ATP10B: variants seen among roughly 807,000 people sequenced by gnomAD.
The protein encoded by ATP10B is ATPase phospholipid transporting 10B (putative).
In ATP10B, 122 loss-of-function variants were observed where a neutral mutation model predicts 141.2. The ratio of observed to expected loss-of-function variants is 0.86; its 90% CI spans 0.75 to 1.00. The LOEUF is 1.00. ATP10B is among the 50% of genes least tolerant of loss of function. ATP10B has a pLI of 0.00. For synonymous variants in ATP10B, 685 were observed against 692.0 expected (o/e 0.99, Z 0.16); for missense variants, 1,876 against 1,825.3 (o/e 1.03, Z -0.51).
At chr5:160,602,785 T>C in intron 20 of ATP10B, 83 bp from the exon 21 acceptor site, 1 of 1,589,096 alleles carries the variant, frequency 6.3e-7, no homozygotes, top group Non-Finnish European at 8.6e-7. Flanking sequence ...GTTGCTTTGG[T>C]CTAGGCCTAC....
intron 1 of ATP10B, among the ~76,000 whole-genome samples, chr5:160,786,931 A>C (rs1771197653): frequency 6.6e-6 from 1 of 151,984 alleles, no homozygotes. Context: ...TGTCCCCCTG[A>C]TTTTGGTCAT....
intron 2 of ATP10B, among the ~76,000 whole-genome samples, chr5:160,747,403 G>T (rs907541107): frequency 6.6e-6 from 1 of 152,160 alleles, no homozygotes; most frequent in Non-Finnish European, 1.5e-5. Context: ...TGTTGAGGTC[G>T]CAATCCTCAA....
chr5:160,663,625 A>T (rs1213597790), intron 7 of ATP10B, among the ~76,000 whole-genome samples: 2 of 151,754 alleles, frequency 1.3e-5, no homozygotes, highest in East Asian at 1.9e-4. Flanking sequence ...AACATCACAC[A>T]CTGGGGCCTG....
chr5:160,770,138 CTG>C (rs1377564963), intron 2 of ATP10B, among the ~76,000 whole-genome samples: 3 of 152,114 alleles, frequency 2.0e-5, no homozygotes, highest in African/African-American at 4.8e-5. Flanking sequence ...CTCTTTCTCT[CTG>C]TGTCTCTGTC....
intron 7 of ATP10B, among the ~76,000 whole-genome samples, chr5:160,660,491 T>C (rs1040870338): frequency 6.6e-6 from 1 of 152,220 alleles, no homozygotes; most frequent in Non-Finnish European, 1.5e-5. Flanking sequence ...TGGAGGATCC[T>C]AGGCAACCAA....
intron 24 of ATP10B, among the ~76,000 whole-genome samples, chr5:160,574,617 T>C (rs1329710675): frequency 6.6e-6 from 1 of 152,106 alleles, no homozygotes; most frequent in African/African-American, 2.4e-5. Context: ...CCCACTGTGA[T>C]AGTATTAAGA....
intron 1 of ATP10B, among the ~76,000 whole-genome samples, chr5:160,824,824 A>G (rs765178644): frequency 5.3e-5 from 8 of 152,082 alleles, no homozygotes; most frequent in Non-Finnish European, 1.0e-4. Flanking sequence ...AGGTTTTTCA[A>G]TTGCATGTGA....
At chr5:160,650,890 C>G (rs189103371) in intron 7 of ATP10B, among the ~76,000 whole-genome samples, 74 of 152,236 alleles carry the variant, frequency 4.9e-4, no homozygotes, top group Non-Finnish European at 1.5e-4. Flanking sequence ...TATTGGGCCA[C>G]GAGAAATAGC....
chr5:160,766,162 A>G (rs1769391050), intron 2 of ATP10B, among the ~76,000 whole-genome samples: 1 of 17,516 alleles, frequency 5.7e-5, no homozygotes, highest in African/African-American at 3.4e-4. Flanking sequence ...TTAAAGAACT[A>G]AAGTAGAACT....
upstream of ATP10B, among the ~76,000 whole-genome samples, chr5:160,856,519 C>T (rs535746007): frequency 6.6e-6 from 1 of 151,810 alleles, no homozygotes; most frequent in South Asian, 2.1e-4. Context: ...TTATTGCACT[C>T]ACTGAAACTT....
At chr5:160,602,049 C>T (rs1402005364) in intron 21 of ATP10B, among the ~76,000 whole-genome samples, 4 of 152,308 alleles carry the variant, frequency 2.6e-5, no homozygotes, top group African/African-American at 9.6e-5. Context: ...CTCTTCAAAT[C>T]CTTCTTTGTT....
At chr5:160,928,389 G>A in the ATP10B span, among the ~76,000 whole-genome samples, 18 of 152,242 alleles carry the variant, frequency 1.2e-4, no homozygotes, top group African/African-American at 3.1e-4. Context: ...GATTGGGGCC[G>A]TCACCTCTGT....
At chr5:160,834,233 G>A (rs1775282506) in intron 1 of ATP10B, among the ~76,000 whole-genome samples, 1 of 152,084 alleles carries the variant, frequency 6.6e-6, no homozygotes, top group African/African-American at 2.4e-5. Context: ...GCTGAGGCAT[G>A]AGAATCGCTT....
chr5:160,631,258 C>T (rs557118238), intron 13 of ATP10B, among the ~76,000 whole-genome samples: 8 of 152,168 alleles, frequency 5.3e-5, no homozygotes, highest in Non-Finnish European at 1.2e-4. Flanking sequence ...TTATGTTCCC[C>T]GGAGAAAGAG....
At chr5:160,625,754 A>C (rs558946206) in intron 13 of ATP10B, among the ~76,000 whole-genome samples, 2 of 152,356 alleles carry the variant, frequency 1.3e-5, no homozygotes, top group South Asian at 4.1e-4. Context: ...ATGAGGGCAG[A>C]GACTGTCTCT....
the ATP10B span, among the ~76,000 whole-genome samples, chr5:160,859,510 A>G: frequency 2.6e-5 from 4 of 151,496 alleles, no homozygotes; most frequent in South Asian, 8.3e-4. Flanking sequence ...CCTCCCCATA[A>G]TCCCCCTTCA....
Position 160,604,060 on chromosome 5 carries a change from C to G in ATP10B, c.3161-19G>C. The G allele has an allele frequency of 6.2e-7, 1 of 1,609,894 alleles. No homozygotes were observed. The highest frequency in any genetic ancestry group is 1.1e-5 in the South Asian group (1 of 90,974). On this transcript the variant is annotated intron_variant, in intron 19 of 25. Coordinates refer to ENST00000327245, the MANE Select transcript of ATP10B (RefSeq NM_025153.3). ...CCATCACCTGAAAGAGAGGTCATAA[C>G]GTGTCTTTATTTTTGGTCCAACTGC...
In ATP10B at chr5:160,603,964, C is replaced by T. The variant is rs1757237418; in HGVS notation, c.3237+1G>A. The T allele has an allele frequency of 3.1e-6, 5 of 1,610,298 alleles. No homozygotes were observed. The highest frequency in any genetic ancestry group is 4.2e-6 in the Non-Finnish European group (5 of 1,176,702). On this transcript the variant is annotated splice_donor_variant, in intron 20 of 25. Coordinates refer to ENST00000327245, the MANE Select transcript of ATP10B (RefSeq NM_025153.3). LOFTEE classifies it high-confidence loss of function. ...AGAAGAATAGTTGCAGAGAACAATA[C>T]CTGCATGCCTTCCTGTCCAGATATT... is the stretch of plus-strand genomic sequence containing the variant.
chr5:160,683,145 G>A (rs540211560), intron 6 of ATP10B, among the ~76,000 whole-genome samples: 14 of 151,910 alleles, frequency 9.2e-5, no homozygotes, highest in Non-Finnish European at 1.8e-4. Context: ...CACCCCAGCA[G>A]TGATTTCATC....
Sources: gnomAD v4.1 joint callset for allele counts (sites outside exome capture counted in the v4.1 genomes callset) on GRCh38, gnomAD v4.1.1 for gene constraint, MANE v1.5 for transcripts, NCBI Gene and HGNC (gene_info 2026-07-23, HGNC 2026-07-21) for gene names.